Variants in HMOX2 observed in about 807,000 individuals in gnomAD.
The protein encoded by HMOX2 is heme oxygenase (decycling) 2.
In HMOX2, 30 loss-of-function variants were observed where a neutral mutation model predicts 33.7. The observed-to-expected ratio is 0.89, with a 90% CI of 0.67 to 1.21. HMOX2 has a LOEUF of 1.21. Ranked by LOEUF, HMOX2 falls within the 50% of genes most tolerant of loss-of-function variation. HMOX2 has a pLI of 0.00. For synonymous variants in HMOX2, 155 were observed against 155.0 expected, an observed-to-expected ratio of 1.00 and a Z score of 0.00; for missense variants, 403 against 399.1, an observed-to-expected ratio of 1.01 and a Z score of -0.08.
intron 3 of HMOX2, 38 bp downstream of exon 3, chr16:4,507,050 G>A: frequency 1.5e-6 from 2 of 1,349,456 alleles, no homozygotes; most frequent in Non-Finnish European, 2.1e-6. Flanking sequence ...TGTCATATGG[G>A]GTTGGGGTGG....
upstream of HMOX2, among the ~76,000 whole-genome samples, chr16:4,475,770 C>G (rs1180910648): frequency 6.6e-6 from 1 of 151,854 alleles, no homozygotes; most frequent in African/African-American, 2.4e-5. Context: ...AAACCCCCGT[C>G]TCTACTAAAA....
At chr16:4,483,160 G>GGTGTGTGTGTGT (rs35532266) in intron 1 of HMOX2, among the ~76,000 whole-genome samples, 1 of 131,818 alleles carries the variant, frequency 7.6e-6, no homozygotes. Flanking sequence ...TGCAAACCCT[G>GGTGTGTGTGTGT]GTGTGTGTGT....
intron 4 of HMOX2, among the ~76,000 whole-genome samples, chr16:4,509,038 C>T (rs189176320): frequency 2.6e-5 from 4 of 152,226 alleles, no homozygotes; most frequent in Non-Finnish European, 5.9e-5. Context: ...CCAGCTCACT[C>T]TCTCTGGAGG....
At chr16:4,508,984 G>A (rs2058762528) in intron 4 of HMOX2, among the ~76,000 whole-genome samples, 1 of 152,194 alleles carries the variant, frequency 6.6e-6, no homozygotes, top group Non-Finnish European at 1.5e-5. Flanking sequence ...GCCCACCAGT[G>A]CTGCTTGCTG....
At position 4,500,226 on chromosome 16, in the gene HMOX2, C is replaced by T. The variant is rs17883431; in HGVS notation, c.-41-5258C>T. On this transcript the variant is annotated intron_variant, in intron 1 of 5. Coordinates refer to ENST00000570646, the MANE Select transcript of HMOX2 (RefSeq NM_002134.4). Reference sequence around the variant, plus strand: ...ATCGGAGTGAGCTCTGAGCTGCAAACAGCCTTCTAGGAAGCAGGCAGGGGA... The same window carrying T: ...ATCGGAGTGAGCTCTGAGCTGCAAATAGCCTTCTAGGAAGCAGGCAGGGGA... 1.1e-3 allele frequency among the ~76,000 whole-genome samples: 161 copies of T among 152,268 alleles called. 1 individual carries two copies. Among genetic ancestry groups the T allele is most frequent in the Middle Eastern group, 3.4e-3 (1 of 294 alleles).
At chr16:4,475,523 G>A (rs975983053), upstream of HMOX2, among the ~76,000 whole-genome samples, 2 of 151,624 alleles carry the variant, frequency 1.3e-5, no homozygotes, top group African/African-American at 4.8e-5. Flanking sequence ...TGCTGGCCAG[G>A]CTGGTCTCGA....
intron 1 of HMOX2, among the ~76,000 whole-genome samples, chr16:4,502,177 G>A (rs576387928): frequency 3.9e-5 from 6 of 152,150 alleles, no homozygotes; most frequent in Admixed American, 6.5e-5. Flanking sequence ...TGCCCACCTC[G>A]GCCTCCCTAA....
rs147662426 is a variant in HMOX2 at position 4,486,611 on chromosome 16, G to C, written c.-42+10124G>C. On this transcript the variant is annotated intron_variant, in intron 1 of 5. Transcript: ENST00000570646. The stretch of plus-strand genomic sequence containing the variant: ...AATGATATGTGAAAGAGTAGAGGGA[G>C]CTCTGGCCTAGCTGCCAGAAAACTC... 3.0e-3 allele frequency among the ~76,000 whole-genome samples: 459 copies of C among 152,318 alleles called. 4 individuals are homozygous for C. Among genetic ancestry groups the C allele is most frequent in the African/African-American group, 9.2e-3 (382 of 41,582 alleles).
At chr16:4,489,874 G>A (rs915957800) in intron 1 of HMOX2, among the ~76,000 whole-genome samples, 6 of 152,208 alleles carry the variant, frequency 3.9e-5, no homozygotes, top group African/African-American at 1.2e-4. Flanking sequence ...GCCTCCCAAA[G>A]TGTTGGGATT....
intron 1 of HMOX2, among the ~76,000 whole-genome samples, chr16:4,498,822 C>A (rs2058487199): frequency 6.6e-6 from 1 of 152,162 alleles, no homozygotes; most frequent in Admixed American, 6.6e-5. Context: ...AGACCTCAGG[C>A]CATTTATTCT....
intron 1 of HMOX2, among the ~76,000 whole-genome samples, chr16:4,486,524 A>C (rs1465470216): frequency 6.6e-6 from 1 of 152,212 alleles, no homozygotes; most frequent in African/African-American, 2.4e-5. Flanking sequence ...AGTTGAAGAC[A>C]CAGAAACTAC....
chr16:4,482,970 C>T (rs1353375441), intron 1 of HMOX2, among the ~76,000 whole-genome samples: 1 of 151,804 alleles, frequency 6.6e-6, no homozygotes, highest in Non-Finnish European at 1.5e-5. Flanking sequence ...GCAGATGTTG[C>T]AGTGAAATGA....
Position 4,510,236 on chromosome 16 carries a change from C to G in HMOX2, c.*480C>G, listed in dbSNP as rs577040697. On this transcript the variant is annotated 3_prime_UTR_variant, in exon 6 of 6. Coordinates refer to ENST00000570646, the MANE Select transcript of HMOX2 (RefSeq NM_002134.4). ...TCAGAGGCCTTGGGAGCTCATCCCT[C>G]TCACCCAGAATCCCTCTAACCCCTT... 11 of 170,724 alleles carry G rather than the reference C, an allele frequency of 6.4e-5. No individual in the cohort carries two copies. In the East Asian group the frequency reaches 1.8e-3, roughly 28 times the overall value. 10.6% of individuals were successfully genotyped at this position (170,724 alleles called of 1,614,324 possible).
intron 1 of HMOX2, among the ~76,000 whole-genome samples, chr16:4,503,292 T>A (rs1237493642): frequency 1.3e-5 from 2 of 152,170 alleles, no homozygotes; most frequent in Non-Finnish European, 2.9e-5. Flanking sequence ...GCTTTGTTCA[T>A]AATATTCCCT....
At chr16:4,486,299 C>T (rs952854021) in intron 1 of HMOX2, among the ~76,000 whole-genome samples, 15 of 152,208 alleles carry the variant, frequency 9.9e-5, no homozygotes, top group Admixed American at 5.9e-4. Context: ...AAGGGACTTG[C>T]CTGAGTACTT....
At position 4,504,354 on chromosome 16, in the gene HMOX2, ATTTTTTTTT is replaced by A. The variant is rs34314976; in HGVS notation, c.-41-1114_-41-1106del. Among the ~76,000 whole-genome samples the A allele has an allele frequency of 5.4e-4, 39 of 72,870 alleles. 1 individual carries two copies. The highest frequency in any genetic ancestry group is 1.6e-3 in the East Asian group (4 of 2,512). 47.8% of individuals were successfully genotyped at this position (72,870 alleles called of 152,430 possible). On this transcript the variant is annotated intron_variant, in intron 1 of 5. Coordinates refer to ENST00000570646, the MANE Select transcript of HMOX2 (RefSeq NM_002134.4). ...TTTTCTTTGTTTTTGGTAACTTTCA[ATTTTTTTTT>A]TTTTTTTTTTTTTTTGGACAGAGTT...
chr16:4,507,697 C>A lies in HMOX2; in HGVS notation c.205-16C>A, dbSNP rs755837355. 14 of 1,609,340 alleles carry A rather than the reference C, an allele frequency of 8.7e-6. No homozygotes were observed. Among genetic ancestry groups the A allele is most frequent in the South Asian group, 5.5e-5 (5 of 90,602 alleles). ...TGTGCTCAGGCATAGCTGGCCTCCT[C>A]CTGTCACCTCCACAGCTGGCCACCA... On this transcript the variant is annotated splice_polypyrimidine_tract_variant and intron_variant, in intron 3 of 5. Transcript: ENST00000570646.
At chr16:4,484,334 G>A (rs1375862039) in intron 1 of HMOX2, among the ~76,000 whole-genome samples, 1 of 151,992 alleles carries the variant, frequency 6.6e-6, no homozygotes. Context: ...AAGGTAGAAG[G>A]ATCAAGAAAC....
At chr16:4,496,647 T>G (rs2141576374) in intron 1 of HMOX2, 1 of 152,290 alleles carries the variant, frequency 6.6e-6, no homozygotes, top group South Asian at 2.1e-4. Context: ...TGACTCAAGT[T>G]TAGTCTCAAC....
Sources: allele counts gnomAD v4.1 joint callset (sites outside exome capture counted in the v4.1 genomes callset), GRCh38; gene constraint gnomAD v4.1.1; transcripts MANE v1.5; gene names NCBI Gene and HGNC (gene_info 2026-07-23, HGNC 2026-07-21).